The following LAMC3 variants were observed in gnomAD, a reference collection of about 807,000 sequenced individuals.
LAMC3 encodes the protein laminin subunit gamma-3.
LAMC3 carries 128 observed loss-of-function variants against 173.8 expected under a neutral mutation model. The observed-to-expected ratio is 0.74, with a 90% confidence interval of 0.64 to 0.85. The LOEUF (loss-of-function observed/expected upper bound fraction) is 0.85. LAMC3 is among the 40% of genes least tolerant of loss of function. The pLI is 0.00. For synonymous variants in LAMC3, 897 were observed against 909.1 expected, an observed-to-expected ratio of 0.99 and a Z score of 0.24; for missense variants, 2,022 against 2,156.0, an observed-to-expected ratio of 0.94 and a Z score of 1.23.
At chr9:131,089,681 C>G (rs1436728701) in intron 27 of LAMC3, among the ~76,000 whole-genome samples, 2 of 152,086 alleles carry the variant, frequency 1.3e-5, no homozygotes, top group Admixed American at 6.6e-5. Flanking sequence ...AGCCACCATG[C>G]CCGGCCTTAT....
At chr9:131,021,385 G>A (rs1833621576) in intron 1 of LAMC3, 1 of 152,122 alleles carries the variant, frequency 6.6e-6, no homozygotes, top group African/African-American at 2.4e-5. Context: ...GTGCATGAGG[G>A]TTCCAGTTTC....
intron 1 of LAMC3, among the ~76,000 whole-genome samples, chr9:131,013,682 C>T (rs1267276689): frequency 1.3e-5 from 2 of 152,158 alleles, no homozygotes; most frequent in Non-Finnish European, 2.9e-5. Context: ...GGAAGGGTCT[C>T]GCTGAGACCT....
chr9:131,039,137 T>C lies in LAMC3; in HGVS notation c.1172T>C (p.Leu391Pro). The C allele has an allele frequency of 6.2e-7, 1 of 1,611,478 alleles. No individual in the cohort carries two copies. The highest frequency in any genetic ancestry group is 8.5e-7 in the Non-Finnish European group (1 of 1,180,012). ...TGTGCCCTTCCTCTCCCAGGCTCCC[T>C]ACACCTCCAGTGCGATGACACAGGC... Reference protein sequence around the residue: ...QPCDCQSAGSLHLQCDDTGTC... With the variant: ...QPCDCQSAGSPHLQCDDTGTC... The change falls in exon 6 of 28, where the codon CTA (leucine) becomes CCA (proline). Residue 391 changes from leucine to proline, a missense_variant. By Grantham distance (98) the Leu-to-Pro change is moderately conservative. Coordinates refer to ENST00000361069, the MANE Select transcript of LAMC3 (RefSeq NM_006059.4).
In LAMC3 at chr9:131,071,592, G is replaced by C. The variant is rs1050538040; in HGVS notation, c.3178G>C (p.Gly1060Arg). 5.0e-6 allele frequency: 8 copies of C among 1,604,006 alleles called. No individual in the cohort carries two copies. The East Asian group carries it at 6.7e-5, about 13-fold the overall frequency. ...LDILLGEAPR[G>R]DVYQGHHLLP... Reference sequence around the variant, plus strand: ...CATTCTGCTGGGAGAGGCCCCAAGGGGGGACGTCTACCAGGGCCATCACCT... The same window carrying C: ...CATTCTGCTGGGAGAGGCCCCAAGGCGGGACGTCTACCAGGGCCATCACCT... The change falls in exon 18 of 28, where the codon GGG (glycine) becomes CGG (arginine). Residue 1060 changes from glycine (G) to arginine (R), a missense_variant. By Grantham distance (125) the Gly-to-Arg change is moderately radical. Coordinates refer to ENST00000361069, the MANE Select transcript of LAMC3 (RefSeq NM_006059.4).
chr9:131,092,031 A>C lies in LAMC3; in HGVS notation c.*244A>C. On this transcript the variant is annotated 3_prime_UTR_variant, in exon 28 of 28. Coordinates refer to ENST00000361069, the MANE Select transcript of LAMC3 (RefSeq NM_006059.4). ...ACACTCTCACCCCTGCACATGCATA[A>C]ACGGGCACACCCCAGTGTCAATAAC... The C allele has an allele frequency of 1.7e-6, 1 of 575,114 alleles. No individual in the cohort carries two copies. 35.6% of individuals were successfully genotyped at this position (575,114 alleles called of 1,614,324 possible). A position where few individuals can be genotyped will look rare whatever the true frequency, so the allele number is the denominator to read the frequency against.
At chr9:131,060,450 C>G (rs10901337) in intron 12 of LAMC3, among the ~76,000 whole-genome samples, 92,415 of 151,864 alleles carry the variant, frequency 0.61, 29,357 homozygotes, top group Non-Finnish European at 0.7. Flanking sequence ...TTGAGACCAG[C>G]CTGGCCAACA....
chr9:131,046,947 G>A (rs1008069687), intron 8 of LAMC3, among the ~76,000 whole-genome samples: 1 of 152,146 alleles, frequency 6.6e-6, no homozygotes, highest in Non-Finnish European at 1.5e-5. Flanking sequence ...ACCGAGAGAT[G>A]CGCGGACCGG....
At position 131,072,803 on chromosome 9, in the gene LAMC3, A is replaced by C. The variant is rs777867876; in HGVS notation, c.3385A>C (p.Ile1129Leu). ...AGTGCTGGAGTCCTCGGAAGAGGAG[A>C]TTCTGCATGCAGCTGCCATTCTCGC... ...EAVLESSEEE[I>L]LHAAAILASL... The change falls in exon 19 of 28, where the codon ATT becomes CTT. Residue 1129 changes from isoleucine to leucine, a missense_variant. Coordinates refer to ENST00000361069, the MANE Select transcript of LAMC3 (RefSeq NM_006059.4). 8.7e-6 allele frequency: 14 copies of C among 1,612,812 alleles called. No individual in the cohort carries two copies. In the Admixed American group the frequency reaches 2.3e-4, roughly 27 times the overall value.
intron 1 of LAMC3, among the ~76,000 whole-genome samples, chr9:131,019,543 C>G (rs1833591419): frequency 6.6e-6 from 1 of 152,244 alleles, no homozygotes; most frequent in Non-Finnish European, 1.5e-5. Flanking sequence ...GGATGAGTCT[C>G]TGTTTCACAC....
At position 131,009,590 on chromosome 9, in the gene LAMC3, A is replaced by T; in HGVS notation, c.373+3A>T. 2 of 1,568,626 alleles carry T rather than the reference A, an allele frequency of 1.3e-6. No individual in the cohort carries two copies. Among genetic ancestry groups the T allele is most frequent in the Non-Finnish European group, 1.7e-6 (2 of 1,158,244 alleles). On this transcript the variant is annotated splice_donor_region_variant and intron_variant, in intron 1 of 27. Transcript: ENST00000361069. The surrounding 1 kb of genome is among the most constrained non-coding windows in gnomAD (Gnocchi z 4.3). ...GGTCAACATCACCCTCCGCCTAGGTAAGCGCGGGCTGGGGGCACCGCCACC... is the reference window on the plus strand; with the variant it reads ...GGTCAACATCACCCTCCGCCTAGGTTAGCGCGGGCTGGGGGCACCGCCACC...
At chr9:131,033,340 T>C (rs991321408) in intron 3 of LAMC3, among the ~76,000 whole-genome samples, 4 of 152,072 alleles carry the variant, frequency 2.6e-5, no homozygotes, top group African/African-American at 7.2e-5. Flanking sequence ...ATTGATCAGA[T>C]TGCTCCCCAG....
intron 1 of LAMC3, among the ~76,000 whole-genome samples, chr9:131,017,268 T>C (rs1350077087): frequency 6.6e-6 from 1 of 152,142 alleles, no homozygotes; most frequent in East Asian, 1.9e-4. Flanking sequence ...GAAAGGTAGC[T>C]GGCAGCTAGA....
chr9:131,045,878 C>T (rs1228880296), intron 8 of LAMC3, among the ~76,000 whole-genome samples: 3 of 152,182 alleles, frequency 2.0e-5, no homozygotes, highest in African/African-American at 7.2e-5. Flanking sequence ...TCTTTATACC[C>T]GTGGTGGGGT....
intron 1 of LAMC3, among the ~76,000 whole-genome samples, chr9:131,014,543 T>C (rs1225740218): frequency 6.6e-6 from 1 of 152,242 alleles, no homozygotes; most frequent in Non-Finnish European, 1.5e-5. Flanking sequence ...TTGGTCTGTT[T>C]ACGTCCATCC....
At chr9:131,019,386 A>C (rs372246919) in intron 1 of LAMC3, among the ~76,000 whole-genome samples, 1 of 152,232 alleles carries the variant, frequency 6.6e-6, no homozygotes, top group African/African-American at 2.4e-5. Context: ...AGAGGTGCCC[A>C]ATAAATGCTT....
chr9:131,038,812 C>G lies in LAMC3; in HGVS notation c.977-52C>G, dbSNP rs550796042. The G allele has an allele frequency of 7.7e-5, 121 of 1,571,658 alleles. 1 individual carries two copies. Among genetic ancestry groups the G allele is most frequent in the Non-Finnish European group, 9.6e-5 (110 of 1,145,930 alleles). On this transcript the variant is annotated intron_variant, in intron 4 of 27. Transcript: ENST00000361069. ...GGAGGCTGACTGACACAGATGCAGC[C>G]TCCTACCACATCACAGGGGACTCAC...
intron 11 of LAMC3, among the ~76,000 whole-genome samples, chr9:131,054,424 C>T (rs36126057): frequency 0.098 from 14,955 of 152,158 alleles, 739 homozygotes; most frequent in South Asian, 0.13. Flanking sequence ...TCTGTGTGTA[C>T]GTACTTAACA....
intron 1 of LAMC3, among the ~76,000 whole-genome samples, chr9:131,021,795 A>T (rs1833630896): frequency 6.6e-6 from 1 of 152,106 alleles, no homozygotes; most frequent in South Asian, 2.1e-4. Context: ...CAATCAATTC[A>T]CTGGAGCAGC....
intron 1 of LAMC3, among the ~76,000 whole-genome samples, chr9:131,011,153 C>A (rs919073479): frequency 1.3e-5 from 2 of 152,170 alleles, no homozygotes; most frequent in African/African-American, 4.8e-5. Flanking sequence ...TGAGTACAGC[C>A]GGCAGCCCCA....
Sources: gnomAD v4.1 joint callset for allele counts (sites outside exome capture counted in the v4.1 genomes callset) on GRCh38, gnomAD v4.1.1 for gene constraint, Gnocchi (gnomAD v3.1) non-coding constraint, MANE v1.5 for transcripts, NCBI Gene and HGNC (gene_info 2026-07-23, HGNC 2026-07-21) for gene names.